Variants in ZFPM2 observed in about 807,000 individuals in gnomAD.
ZFPM2 encodes zinc finger protein, FOG family member 2.
Under a neutral mutation model 98.6 loss-of-function variants are expected in ZFPM2, and 20 were observed. The observed-to-expected ratio is 0.20, with a 90% CI of 0.14 to 0.29. ZFPM2 has a LOEUF of 0.29. Ranked by LOEUF, ZFPM2 falls within the 10% of genes least tolerant of loss-of-function variation. ZFPM2 has a pLI of 1.00. For missense variants in ZFPM2, 1,310 were observed against 1,388.6 expected, an observed-to-expected ratio of 0.94 and a Z score of 0.90; for synonymous variants, 518 against 502.7, an observed-to-expected ratio of 1.03 and a Z score of -0.41.
chr8:105,740,205 A>G (rs2131031639), intron 5 of ZFPM2, among the ~76,000 whole-genome samples: 1 of 152,154 alleles, frequency 6.6e-6, no homozygotes, highest in Non-Finnish European at 1.5e-5. Context: ...ATCAGAAATA[A>G]AATATTTCAC....
At chr8:105,474,205 T>C (rs1386950159) in intron 3 of ZFPM2, among the ~76,000 whole-genome samples, 1 of 152,242 alleles carries the variant, frequency 6.6e-6, no homozygotes. Flanking sequence ...TTCGCTCTGT[T>C]TTTATATCTG....
At chr8:105,727,578 C>T (rs1458523994) in intron 5 of ZFPM2, among the ~76,000 whole-genome samples, 1 of 151,672 alleles carries the variant, frequency 6.6e-6, no homozygotes, top group Non-Finnish European at 1.5e-5. Context: ...AGGCTATTAA[C>T]AAGTCAACCT....
intron 3 of ZFPM2, among the ~76,000 whole-genome samples, chr8:105,535,618 G>T (rs1250708588): frequency 1.3e-5 from 2 of 152,114 alleles, no homozygotes; most frequent in East Asian, 3.9e-4. Flanking sequence ...GCATTTCAAA[G>T]AAATTGTAAA....
chr8:105,413,118 T>C (rs1248122225), intron 1 of ZFPM2, among the ~76,000 whole-genome samples: 2 of 151,792 alleles, frequency 1.3e-5, no homozygotes, highest in Non-Finnish European at 2.9e-5. Context: ...ACAGAACATA[T>C]CATACTAAAA....
At chr8:105,487,434 A>T (rs1813252064) in intron 3 of ZFPM2, among the ~76,000 whole-genome samples, 1 of 152,128 alleles carries the variant, frequency 6.6e-6, no homozygotes, top group Non-Finnish European at 1.5e-5. Context: ...ATGTCATATT[A>T]TACATCTAAG....
chr8:105,566,944 G>T (rs1006676530), intron 4 of ZFPM2, among the ~76,000 whole-genome samples: 1 of 151,828 alleles, frequency 6.6e-6, no homozygotes, highest in African/African-American at 2.4e-5. Context: ...CATATAAAGG[G>T]CACTATAGAT....
chr8:105,707,795 A>G (rs1011952663), intron 5 of ZFPM2, among the ~76,000 whole-genome samples: 4 of 152,208 alleles, frequency 2.6e-5, no homozygotes, highest in African/African-American at 9.7e-5. Context: ...TTTATTCCCC[A>G]CAAACTGACT....
In ZFPM2 at chr8:105,585,892, A is replaced by G. The variant is rs181226779; in HGVS notation, c.420+24411A>G. Among the ~76,000 whole-genome samples, 627 of 152,168 alleles carry G rather than the reference A, an allele frequency of 4.1e-3. 4 individuals carry two copies. Among genetic ancestry groups the G allele is most frequent in the South Asian group, 0.031 (150 of 4,812 alleles). ...GAACCTAAGATATATTTTAGGATGA[A>G]AAAATAGAAGGGATGTCTAAGAAGA... On this transcript the variant is annotated intron_variant, in intron 4 of 7. Coordinates refer to ENST00000407775, the MANE Select transcript of ZFPM2 (RefSeq NM_012082.4).
chr8:105,617,821 A>T (rs1005196275), intron 4 of ZFPM2, among the ~76,000 whole-genome samples: 1 of 152,196 alleles, frequency 6.6e-6, no homozygotes, highest in East Asian at 1.9e-4. Flanking sequence ...TTTAAAATCT[A>T]TTCTATGTTA....
intron 4 of ZFPM2, among the ~76,000 whole-genome samples, chr8:105,614,259 G>T (rs914225504): frequency 2.3e-4 from 35 of 151,992 alleles, no homozygotes; most frequent in African/African-American, 7.2e-4. Flanking sequence ...TGAGCATGTT[G>T]CATGTTTGCT....
At chr8:105,676,357 G>C (rs978053947) in intron 5 of ZFPM2, among the ~76,000 whole-genome samples, 11 of 152,072 alleles carry the variant, frequency 7.2e-5, no homozygotes, top group African/African-American at 2.2e-4. Context: ...AAAATTCCCT[G>C]CTTCACTATG....
intron 4 of ZFPM2, among the ~76,000 whole-genome samples, chr8:105,582,737 G>T (rs1396211748): frequency 6.6e-6 from 1 of 152,098 alleles, no homozygotes; most frequent in African/African-American, 2.4e-5. Flanking sequence ...GGGACCACAA[G>T]CATGTGCCAC....
intron 1 of ZFPM2, among the ~76,000 whole-genome samples, chr8:105,335,258 T>C (rs2957441): frequency 0.44 from 66,701 of 151,440 alleles, 16,987 homozygotes; most frequent in Middle Eastern, 0.59. Flanking sequence ...AACCGTGGAG[T>C]CTCTTAGCAT....
intron 4 of ZFPM2, among the ~76,000 whole-genome samples, chr8:105,620,688 C>T (rs1321621913): frequency 6.6e-6 from 1 of 152,064 alleles, no homozygotes; most frequent in Admixed American, 6.6e-5. Flanking sequence ...GTCTTTAATC[C>T]ATCTTGAATT....
intron 4 of ZFPM2, among the ~76,000 whole-genome samples, chr8:105,562,342 AAATAAATAAATAAATG>A (rs771029511): frequency 1.2e-5 from 1 of 83,270 alleles, no homozygotes; most frequent in African/African-American, 5.5e-5. Context: ...ATAAATAAAT[AAATAAATAAATAAATG>A]GAAAGGTAGG....
intron 4 of ZFPM2, among the ~76,000 whole-genome samples, chr8:105,562,624 C>T (rs2130702079): frequency 6.6e-6 from 1 of 152,234 alleles, no homozygotes; most frequent in African/African-American, 2.4e-5. Flanking sequence ...CGTGGCCCTT[C>T]CCTCATAGAC....
At chr8:105,569,054 A>G (rs1703544624) in intron 4 of ZFPM2, among the ~76,000 whole-genome samples, 2 of 151,652 alleles carry the variant, frequency 1.3e-5, no homozygotes, top group South Asian at 2.1e-4. Flanking sequence ...AGTCACTTCC[A>G]AGGTAGACCT....
intron 3 of ZFPM2, among the ~76,000 whole-genome samples, chr8:105,538,815 G>A (rs1313883430): frequency 2.0e-5 from 3 of 151,958 alleles, no homozygotes; most frequent in East Asian, 3.9e-4. Flanking sequence ...AATTTGAGAC[G>A]AGCCTGGGCA....
rs538542766 is a variant in ZFPM2, at chr8:105,421,970, CCAGAAGGCAGAAGT to C, written c.199+2669_199+2682del. ...GCTGAGACAGGAGAATTGCTTGAAC[CCAGAAGGCAGAAGT>C]TGCAGTGAGTTGAGATCGCACCACC... On this transcript the variant is annotated intron_variant, in intron 2 of 7. Coordinates refer to ENST00000407775, the MANE Select transcript of ZFPM2 (RefSeq NM_012082.4). 3.2e-3 allele frequency among the ~76,000 whole-genome samples: 474 copies of C among 148,260 alleles called. 3 individuals carry two copies. The highest frequency in any genetic ancestry group is 0.011 in the African/African-American group (455 of 39,806).
Sources: gnomAD v4.1 joint callset for allele counts (sites outside exome capture counted in the v4.1 genomes callset) on GRCh38, gnomAD v4.1.1 for gene constraint, MANE v1.5 for transcripts, NCBI Gene and HGNC (gene_info 2026-07-23, HGNC 2026-07-21) for gene names.